Variants in DDX17 observed in about 807,000 individuals in gnomAD.
DDX17 encodes DEAD-box helicase 17.
A neutral mutation model predicts 80.8 loss-of-function variants in DDX17; 10 were observed. The observed-to-expected ratio is 0.12, with a 90% confidence interval of 0.08 to 0.21. The LOEUF (loss-of-function observed/expected upper bound fraction) is 0.21, where lower values mean the gene tolerates loss of function less well. DDX17 is among the 10% of genes least tolerant of loss of function. The pLI is 1.00. For missense variants in DDX17, 586 were observed against 957.4 expected (o/e 0.61, Z 5.12); for synonymous variants, 339 against 336.2 (o/e 1.01, Z -0.09).
chr22:38,501,396 A>T (rs1037988787), intron 1 of DDX17, 116 bp from the exon 2 acceptor site: 131 of 1,218,478 alleles, frequency 1.1e-4, no homozygotes, highest in Non-Finnish European at 1.3e-4. Flanking sequence ...TACCTCCAAA[A>T]AGACCATTTT....
At position 38,484,872 on chromosome 22, in the gene DDX17, G is replaced by A. The variant is rs2089639177; in HGVS notation, c.*1063C>T. The A allele has an allele frequency of 6.6e-6, 1 of 152,210 alleles. No individual in the cohort carries two copies. Among genetic ancestry groups the A allele is most frequent in the Non-Finnish European group, 1.5e-5 (1 of 68,028 alleles). The allele number at this position is 152,210 out of a possible 1,614,324, so 9.4% of individuals were successfully genotyped here. ...GAACAGGGTATGAAGAAAATAAAGA[G>A]TTCTTAATAAACCCTTAAGATTCTT... On this transcript the variant is annotated 3_prime_UTR_variant, in exon 13 of 13. Transcript: ENST00000403230.
chr22:38,485,378 C>G lies in DDX17; in HGVS notation c.*557G>C, dbSNP rs565172628. 3 of 152,252 alleles carry G rather than the reference C, an allele frequency of 2.0e-5. No individual in the cohort carries two copies. Among genetic ancestry groups the G allele is most frequent in the African/African-American group, 7.2e-5 (3 of 41,542 alleles). 9.4% of individuals were successfully genotyped at this position (152,252 alleles called of 1,614,324 possible). A position where few individuals can be genotyped will look rare whatever the true frequency, so the allele number is the denominator to read the frequency against. Reference sequence around the variant, plus strand: ...TATCAAATGCACTCCAGCAATCAGTCAAAACAGGCCCGAGGAAACCTGTTC... The same window carrying G: ...TATCAAATGCACTCCAGCAATCAGTGAAAACAGGCCCGAGGAAACCTGTTC... On this transcript the variant is annotated 3_prime_UTR_variant, in exon 13 of 13. Coordinates refer to ENST00000403230, the MANE Select transcript of DDX17 (RefSeq NM_006386.5).
rs2089693371 is a variant in DDX17, at chr22:38,489,596, T to C, written c.1448-1481A>G. On this transcript the variant is annotated intron_variant, in intron 11 of 12. Coordinates refer to ENST00000403230, the MANE Select transcript of DDX17 (RefSeq NM_006386.5). The surrounding 1 kb of genome is among the most constrained non-coding windows in gnomAD (Gnocchi z 4.6). ...GACTGCATCTATTGCCCAGACTGGA[T>C]TAATTTCAAGGGAGAAAGGGGAGAT... 1.0e-6 allele frequency: 1 copy of C among 985,012 alleles called. No individual in the cohort carries two copies. The highest frequency in any genetic ancestry group is 6.2e-5 in the Admixed American group (1 of 16,252). The allele number at this position is 985,012 out of a possible 1,614,324, so 61.0% of individuals were successfully genotyped here.
At chr22:38,488,849 GCTCAA>G (rs2089687411) in intron 11 of DDX17, 38 of 985,276 alleles carry the variant, frequency 3.9e-5, no homozygotes, top group Non-Finnish European at 4.6e-5. Flanking sequence ...GGATATTTTT[GCTCAA>G]CTCAAGGTTA....
At chr22:38,488,361 CCATCCAAA>C (rs2089682519) in intron 11 of DDX17, 5 of 1,373,122 alleles carry the variant, frequency 3.6e-6, no homozygotes, top group East Asian at 5.7e-5. Context: ...TAAGGGAATC[CCATCCAAA>C]CATCCAAACT....
chr22:38,498,233 T>C (rs2145703586), intron 4 of DDX17, 83 bp from the exon 5 acceptor site: 1 of 1,511,180 alleles, frequency 6.6e-7, no homozygotes, highest in Non-Finnish European at 9.1e-7. Context: ...AATTAATGCA[T>C]AAATAGGAAA....
chr22:38,501,361 T>C, intron 1 of DDX17, 81 bp from the exon 2 acceptor site: 6 of 1,485,252 alleles, frequency 4.0e-6, no homozygotes, highest in Non-Finnish European at 5.4e-6. Flanking sequence ...TCAAAAAGGA[T>C]GGAGTTCTAG....
intron 1 of DDX17, chr22:38,505,717 C>A (rs2089874594): frequency 3.8e-6 from 2 of 524,466 alleles, no homozygotes; most frequent in Non-Finnish European, 6.6e-6. Context: ...CCGGGCCGCG[C>A]CACGACGGCC....
At chr22:38,501,473 G>A (rs752103661) in intron 1 of DDX17, among the ~76,000 whole-genome samples, 193 bp from the exon 2 acceptor site, 55 of 152,194 alleles carry the variant, frequency 3.6e-4, no homozygotes, top group Non-Finnish European at 6.8e-4. Context: ...AATAAATACT[G>A]TTTATGAATA....
chr22:38,503,574 T>TGG lies in DDX17; in HGVS notation c.288-2295_288-2294insCC, dbSNP rs556919641. Reference sequence around the variant, plus strand: ...CTGACATAATTAATGACCTCAAAATTCAAGAAAGCCTTTTACTTTTGAGCA... The same window carrying TGG: ...CTGACATAATTAATGACCTCAAAATTGGCAAGAAAGCCTTTTACTTTTGAGCA... On this transcript the variant is annotated intron_variant, in intron 1 of 12. Transcript: ENST00000403230. Among the ~76,000 whole-genome samples the TGG allele has an allele frequency of 6.1e-4, 93 of 152,316 alleles. No individual in the cohort carries two copies. In the Middle Eastern group the frequency reaches 0.014, roughly 22 times the overall value.
At position 38,498,537 on chromosome 22, in the gene DDX17, G is replaced by A. The variant is rs140804673; in HGVS notation, c.575C>T (p.Thr192Ile). 1 of 1,614,108 alleles carries A rather than the reference G, an allele frequency of 6.2e-7. No homozygotes were observed. Among genetic ancestry groups the A allele is most frequent in the Non-Finnish European group, 8.5e-7 (1 of 1,180,004 alleles). The stretch of plus-strand genomic sequence containing the variant: ...CTGGCACTGAATTGGAGTTGGTTCT[G>A]TAAAGTGCTGATCCATCAACACATC... The change falls in exon 4 of 13, where the codon ACA becomes ATA. Residue 192 changes from threonine (T) to isoleucine (I), a missense_variant. Around this residue, in one of 4 missense-constraint regions of DDX17, gnomAD observed 141 missense variants for 379.3 expected, o/e 0.37. Coordinates refer to ENST00000403230, the MANE Select transcript of DDX17 (RefSeq NM_006386.5).
At chr22:38,499,272 G>C (rs139111197) in intron 3 of DDX17, 128 bp downstream of exon 3, 143 of 698,336 alleles carry the variant, frequency 2.0e-4, no homozygotes, top group African/African-American at 1.8e-3. Context: ...CAGAACTGAT[G>C]ACCATAAAAA....
chr22:38,506,085 T>TGGC lies in DDX17; in HGVS notation c.150_152dup (p.Pro51dup), dbSNP rs764599572. ...GCGGCTCCGGTCTGGTGACGACCGA[T>TGGC]GGCGGCGGCGCCTCCGCTGTTGGGG... On this transcript the variant is annotated inframe_insertion, in exon 1 of 13. Transcript: ENST00000403230. 1.2e-5 allele frequency: 19 copies of TGGC among 1,579,038 alleles called. No individual in the cohort carries two copies. In the African/African-American group the frequency reaches 2.4e-4, roughly 20 times the overall value.
At position 38,489,794 on chromosome 22, in the gene DDX17, G is replaced by A. The variant is rs911418912; in HGVS notation, c.1448-1679C>T. ...GCAGCTTGAGTCTCCGGCTAGGGTC[G>A]TTGACGCAACAAAGGAAAAAAGAAT... On this transcript the variant is annotated intron_variant, in intron 11 of 12. Coordinates refer to ENST00000403230, the MANE Select transcript of DDX17 (RefSeq NM_006386.5). This position sits in a 1 kb window ranked among gnomAD's most constrained non-coding sequence, Gnocchi z 4.6. The A allele has an allele frequency of 3.0e-6, 3 of 985,406 alleles. No individual in the cohort carries two copies. Among genetic ancestry groups the A allele is most frequent in the African/African-American group, 1.7e-5 (1 of 57,174 alleles). 61.0% of individuals were successfully genotyped at this position (985,406 alleles called of 1,614,324 possible). A position where few individuals can be genotyped will look rare whatever the true frequency, so the allele number is the denominator to read the frequency against.
intron 6 of DDX17, 73 bp downstream of exon 6, chr22:38,495,723 T>C: frequency 7.7e-7 from 1 of 1,306,390 alleles, no homozygotes; most frequent in Non-Finnish European, 1.0e-6. Flanking sequence ...ACCCACTTTT[T>C]TTCTCCAATT....
At chr22:38,487,396 A>G (rs1309912231) in intron 12 of DDX17, among the ~76,000 whole-genome samples, 2 of 152,100 alleles carry the variant, frequency 1.3e-5, no homozygotes, top group East Asian at 3.9e-4. Flanking sequence ...AGACAGGTGG[A>G]TCACCAGAGG....
intron 10 of DDX17, 141 bp downstream of exon 10, chr22:38,493,569 C>A (rs2089733298): frequency 1.5e-6 from 1 of 664,696 alleles, no homozygotes; most frequent in Non-Finnish European, 2.7e-6. Flanking sequence ...ATAACAGAGA[C>A]CACCATTTGG....
chr22:38,488,214 A>T, intron 11 of DDX17, 99 bp from the exon 12 acceptor site: 2 of 1,601,262 alleles, frequency 1.2e-6, no homozygotes, highest in Non-Finnish European at 1.7e-6. Context: ...AATGCAGATG[A>T]CAGCAAGAGG....
At chr22:38,505,654 G>T in intron 1 of DDX17, 1 of 390,486 alleles carries the variant, frequency 2.6e-6, no homozygotes, top group Non-Finnish European at 4.6e-6. Context: ...GCCCGGGCCT[G>T]GGCTGATGCG....
Sources: allele counts gnomAD v4.1 joint callset (sites outside exome capture counted in the v4.1 genomes callset), GRCh38; gene constraint gnomAD v4.1.1; regional missense constraint gnomAD v4.1.1; non-coding constraint Gnocchi (gnomAD v3.1); transcripts MANE v1.5; gene names NCBI Gene and HGNC (gene_info 2026-07-23, HGNC 2026-07-21).